The following DOCK3 variants were observed in gnomAD, a reference collection of about 807,000 sequenced individuals.
DOCK3 encodes dedicator of cytokinesis 3.
Under a neutral mutation model 265.6 loss-of-function variants are expected in DOCK3, and 60 were observed. That is an observed-to-expected ratio of 0.23 (90% CI 0.18 to 0.28). The LOEUF is 0.28. DOCK3 is among the 10% of genes least tolerant of loss of function. The probability of loss-of-function intolerance (pLI) is 1.00; values close to 1 mark genes in which losing one functional copy is unlikely to be tolerated. For missense variants in DOCK3, 1,981 were observed against 2,594.3 expected, an observed-to-expected ratio of 0.76 and a Z score of 5.14; for synonymous variants, 881 against 938.0, an observed-to-expected ratio of 0.94 and a Z score of 1.11.
chr3:51,015,325 A>G (rs977358623), intron 5 of DOCK3, among the ~76,000 whole-genome samples: 1 of 151,934 alleles, frequency 6.6e-6, no homozygotes, highest in Non-Finnish European at 1.5e-5. Flanking sequence ...CAGTTTTTTT[A>G]AAGATTTTTA....
chr3:51,008,163 A>G (rs897483208), intron 5 of DOCK3, among the ~76,000 whole-genome samples: 14 of 152,184 alleles, frequency 9.2e-5, no homozygotes, highest in African/African-American at 3.4e-4. Flanking sequence ...CTGTGAAGAA[A>G]GTCATTGGTA....
chr3:51,104,014 A>G (rs2083183145), intron 9 of DOCK3, among the ~76,000 whole-genome samples: 1 of 152,230 alleles, frequency 6.6e-6, no homozygotes, highest in South Asian at 2.1e-4. Context: ...TAGAAAAATA[A>G]AGCAGAGAAG....
intron 12 of DOCK3, among the ~76,000 whole-genome samples, chr3:51,207,005 A>G (rs925227690): frequency 1.1e-4 from 17 of 152,112 alleles, no homozygotes; most frequent in African/African-American, 4.1e-4. Flanking sequence ...TTGGCCTTGT[A>G]GATCAGGAGC....
At chr3:51,318,442 A>G (rs958641262) in intron 32 of DOCK3, among the ~76,000 whole-genome samples, 2 of 152,182 alleles carry the variant, frequency 1.3e-5, no homozygotes, top group Non-Finnish European at 2.9e-5. Flanking sequence ...AAAACAGTAT[A>G]TCTTTCCATT....
intron 11 of DOCK3, 136 bp from the exon 12 acceptor site, chr3:51,160,418 TC>T: frequency 9.1e-7 from 1 of 1,095,950 alleles, no homozygotes; most frequent in Non-Finnish European, 1.2e-6. Flanking sequence ...CTTGGATGAC[TC>T]CCTTCAGCCC....
intron 3 of DOCK3, among the ~76,000 whole-genome samples, chr3:50,875,395 T>C (rs1349744709): frequency 6.6e-6 from 1 of 152,160 alleles, no homozygotes; most frequent in Admixed American, 6.5e-5. Flanking sequence ...GGAAAGACTT[T>C]CAATTTTTCC....
chr3:50,731,304 A>G (rs2038195515), intron 1 of DOCK3, among the ~76,000 whole-genome samples: 1 of 152,220 alleles, frequency 6.6e-6, no homozygotes, highest in South Asian at 2.1e-4. Flanking sequence ...TAGTATAATG[A>G]TAGATTCAAG....
chr3:51,309,069 G>A (rs564339307), intron 27 of DOCK3, among the ~76,000 whole-genome samples: 2 of 151,874 alleles, frequency 1.3e-5, no homozygotes, highest in South Asian at 4.2e-4. Flanking sequence ...ATGGGATGGC[G>A]GGCGGGCAGA....
chr3:50,786,019 C>T (rs1384521192), intron 2 of DOCK3, among the ~76,000 whole-genome samples: 1 of 151,092 alleles, frequency 6.6e-6, no homozygotes, highest in East Asian at 1.9e-4. Context: ...GTTTCTGTAT[C>T]TTCCTGGTTT....
intron 12 of DOCK3, among the ~76,000 whole-genome samples, chr3:51,188,498 G>C (rs2087747117): frequency 6.6e-6 from 1 of 152,154 alleles, no homozygotes; most frequent in African/African-American, 2.4e-5. Flanking sequence ...GTTAAATATA[G>C]TGAATCTACT....
intron 1 of DOCK3, chr3:50,685,914 G>A (rs1205643888): frequency 6.6e-6 from 1 of 152,484 alleles, no homozygotes; most frequent in Non-Finnish European, 1.5e-5. Flanking sequence ...TTTTGTAGGA[G>A]TTCTTTATAT....
chr3:51,349,905 A>G (rs1420984234), intron 39 of DOCK3, among the ~76,000 whole-genome samples: 3 of 152,218 alleles, frequency 2.0e-5, no homozygotes, highest in African/African-American at 7.2e-5. Flanking sequence ...TCAGAGGTCA[A>G]CTGGTATAGT....
intron 2 of DOCK3, among the ~76,000 whole-genome samples, chr3:50,829,659 G>A (rs1319364629): frequency 6.6e-6 from 1 of 152,138 alleles, no homozygotes; most frequent in Non-Finnish European, 1.5e-5. Context: ...AAGTTCTGTC[G>A]AGGATAGTTG....
intron 3 of DOCK3, among the ~76,000 whole-genome samples, chr3:50,867,428 A>G (rs1411377448): frequency 1.3e-5 from 2 of 151,832 alleles, no homozygotes; most frequent in African/African-American, 4.8e-5. Flanking sequence ...CTGTTGTCTG[A>G]TTGCTGTACC....
intron 19 of DOCK3, among the ~76,000 whole-genome samples, chr3:51,231,921 G>A (rs2078138912): frequency 6.6e-6 from 1 of 152,128 alleles, no homozygotes; most frequent in Admixed American, 6.5e-5. Context: ...TCCATCTTGA[G>A]TTCATTTTTG....
chr3:51,058,517 A>G (rs1429629829), intron 5 of DOCK3, among the ~76,000 whole-genome samples: 1 of 152,190 alleles, frequency 6.6e-6, no homozygotes, highest in African/African-American at 2.4e-5. Flanking sequence ...TGTATTGTGC[A>G]TTTATGTATG....
intron 12 of DOCK3, among the ~76,000 whole-genome samples, chr3:51,161,721 C>T (rs1171610372): frequency 3.9e-5 from 6 of 152,146 alleles, no homozygotes; most frequent in African/African-American, 1.4e-4. Flanking sequence ...GCTTGCCCAC[C>T]AGTTATTATA....
chr3:50,820,824 C>CTTTTTTTTTTTTT (rs56022017), intron 2 of DOCK3, among the ~76,000 whole-genome samples: 1 of 131,236 alleles, frequency 7.6e-6, no homozygotes. Flanking sequence ...TTGCTGGCAT[C>CTTTTTTTTTTTTT]TTTTTTTTTT....
At chr3:51,103,258 T>G (rs2083153017) in intron 9 of DOCK3, among the ~76,000 whole-genome samples, 1 of 152,130 alleles carries the variant, frequency 6.6e-6, no homozygotes, top group African/African-American at 2.4e-5. Flanking sequence ...GCCCAAGAGC[T>G]GTGCTACAAT....
Sources: gnomAD v4.1 joint callset for allele counts (sites outside exome capture counted in the v4.1 genomes callset) on GRCh38, gnomAD v4.1.1 for gene constraint, MANE v1.5 for transcripts, NCBI Gene and HGNC (gene_info 2026-07-23, HGNC 2026-07-21) for gene names.